The following KIF24 variants were observed in gnomAD, a reference collection of about 807,000 sequenced individuals.
KIF24 encodes the protein kinesin family member 24.
Under a neutral mutation model 118.9 loss-of-function variants are expected in KIF24, and 81 were observed. That is an observed-to-expected ratio of 0.68 (90% CI 0.57 to 0.82). The LOEUF is 0.82. KIF24 is among the 40% of genes least tolerant of loss of function. KIF24 has a pLI of 0.00. For synonymous variants in KIF24, 599 were observed against 610.0 expected (o/e 0.98, Z 0.27); for missense variants, 1,560 against 1,661.6 (o/e 0.94, Z 1.06).
Position 34,318,493 on chromosome 9 carries a change from TG to T in KIF24, c.-25-7123del. The T allele has an allele frequency of 1.2e-6, 1 of 838,022 alleles. No individual in the cohort carries two copies. Among genetic ancestry groups the T allele is most frequent in the Non-Finnish European group, 2.0e-6 (1 of 504,472 alleles). 51.9% of individuals were successfully genotyped at this position (838,022 alleles called of 1,614,324 possible). On this transcript the variant is annotated intron_variant, in intron 1 of 12. Transcript: ENST00000402558. This position sits in a 1 kb window ranked among gnomAD's most constrained non-coding sequence, Gnocchi z 4.9. ...AGAAACCTGCAGCCACAGCAGCTCC[TG>T]GCACCGCAGAGAAGCTGAGCCCCAA...
intron 1 of KIF24, among the ~76,000 whole-genome samples, chr9:34,312,900 T>C (rs952970219): frequency 1.3e-5 from 2 of 152,178 alleles, no homozygotes; most frequent in Admixed American, 1.3e-4. Flanking sequence ...AGTTTCGCCA[T>C]GTTGGCCAGG....
rs1239780390 is a variant in KIF24, at chr9:34,257,301, T to C, written c.2306A>G (p.Gln769Arg). The C allele has an allele frequency of 3.7e-6, 6 of 1,614,068 alleles. No homozygotes were observed. The highest frequency in any genetic ancestry group is 5.1e-6 in the Non-Finnish European group (6 of 1,179,900). Residue 769 changes from glutamine to arginine, a missense_variant, in exon 11 of 13, where the codon CAG becomes CGG. This residue lies in a region of KIF24 where 964 missense variants were observed against 988.0 expected (regional missense o/e 0.98). Coordinates refer to ENST00000402558, the MANE Select transcript of KIF24 (RefSeq NM_194313.4). ...GAGGAGAGGTGGCTGTTGGAACTGC[T>C]GGTGATAGAAACGCAGATGTTCCTC... ...EREEHLRFYH[Q>R]QFQQPPLLQQ...
At chr9:34,271,325 C>CAAAAA (rs58895274) in intron 7 of KIF24, among the ~76,000 whole-genome samples, 22 of 107,228 alleles carry the variant, frequency 2.1e-4, no homozygotes, top group African/African-American at 6.2e-4. Context: ...AGCAATCCAG[C>CAAAAA]AAAAAAAAAA....
intron 8 of KIF24, among the ~76,000 whole-genome samples, chr9:34,267,232 T>C (rs764722315): frequency 6.6e-6 from 1 of 151,972 alleles, no homozygotes; most frequent in Non-Finnish European, 1.5e-5. Context: ...AACGGCTGAA[T>C]GGCATGTCCT....
intron 3 of KIF24, among the ~76,000 whole-genome samples, chr9:34,301,982 T>C: frequency 8.8e-6 from 1 of 113,592 alleles, no homozygotes; most frequent in East Asian, 2.1e-4. Flanking sequence ...TTTTTCTATA[T>C]ATGTATTTTT....
At chr9:34,267,678 A>G (rs1835344845) in intron 8 of KIF24, among the ~76,000 whole-genome samples, 1 of 152,232 alleles carries the variant, frequency 6.6e-6, no homozygotes, top group East Asian at 1.9e-4. Context: ...TATGAAAAAA[A>G]TAAATGAGAT....
chr9:34,328,431 C>G (rs1837748146), intron 1 of KIF24, among the ~76,000 whole-genome samples: 1 of 152,186 alleles, frequency 6.6e-6, no homozygotes. Flanking sequence ...CTAAAAGCCA[C>G]AGATGCAGGA....
rs192343104 is a variant in KIF24 at position 34,318,618 on chromosome 9, T to C, written c.-25-7247A>G. The C allele has an allele frequency of 3.4e-5, 51 of 1,508,158 alleles. 1 individual carries two copies. The Admixed American group carries it at 3.7e-4, about 11-fold the overall frequency. 93.4% of individuals were successfully genotyped at this position (1,508,158 alleles called of 1,614,324 possible). On this transcript the variant is annotated intron_variant, in intron 1 of 12. Transcript: ENST00000402558. The surrounding 1 kb of genome is among the most constrained non-coding windows in gnomAD (Gnocchi z 4.9). ...GTGGAGAACATCCTGGTGTCGCCCG[T>C]GGTGGTGGCCTCGTCGTTGGGGCTC...
At chr9:34,288,526 A>G (rs141844943) in intron 5 of KIF24, among the ~76,000 whole-genome samples, 9 of 152,064 alleles carry the variant, frequency 5.9e-5, no homozygotes, top group African/African-American at 2.2e-4. Flanking sequence ...GTAAAGCATA[A>G]CAGCATAAAC....
rs535057378 is a variant in KIF24 at position 34,259,603 on chromosome 9, C to A, written c.1618G>T (p.Ala540Ser). ...ATCTGGGAGCTGACTTACCGGTCAG[C>A]ATAGCGCAAGGTGTTGAGAGTGTGT... Reference protein sequence around the residue: ...TEHTLNTLRYADRVKELKKGI... With the variant: ...TEHTLNTLRYSDRVKELKKGI... Residue 540 changes from alanine (A) to serine (S), a missense_variant, in exon 10 of 13, where the codon GCT becomes TCT. Ala to Ser is a moderately conservative substitution (Grantham distance 99). This residue lies in a region of KIF24 where 964 missense variants were observed against 988.0 expected (regional missense o/e 0.98). Transcript: ENST00000402558. 3.7e-6 allele frequency: 6 copies of A among 1,613,470 alleles called. No individual in the cohort carries two copies. The South Asian group carries it at 4.4e-5, about 12-fold the overall frequency.
chr9:34,295,949 A>G (rs12376978), intron 4 of KIF24, among the ~76,000 whole-genome samples: 71,852 of 150,940 alleles, frequency 0.48, 19,988 homozygotes, highest in South Asian at 0.64. Flanking sequence ...GCCGGGCGCG[A>G]TGGCTCACAC....
At chr9:34,308,087 C>T (rs1836999816) in intron 2 of KIF24, among the ~76,000 whole-genome samples, 1 of 152,044 alleles carries the variant, frequency 6.6e-6, no homozygotes, top group African/African-American at 2.4e-5. Context: ...CCTCCCACTT[C>T]AGCCAATAGT....
Position 34,318,521 on chromosome 9 carries a change from G to A in KIF24, c.-25-7150C>T, listed in dbSNP as rs1199275601. The A allele has an allele frequency of 1.2e-5, 11 of 940,496 alleles. No homozygotes were observed. The highest frequency in any genetic ancestry group is 1.7e-5 in the Non-Finnish European group (10 of 594,134). The allele number at this position is 940,496 out of a possible 1,614,324, so 58.3% of individuals were successfully genotyped here. On this transcript the variant is annotated intron_variant, in intron 1 of 12. Transcript: ENST00000402558. This position sits in a 1 kb window ranked among gnomAD's most constrained non-coding sequence, Gnocchi z 4.9. ...CACCGCAGAGAAGCTGAGCCCCAAG[G>A]CAGCCACGCTGGCCGAACACAGCGC...
chr9:34,259,499 G>A, intron 10 of KIF24, 97 bp downstream of exon 10: 7 of 847,816 alleles, frequency 8.3e-6, no homozygotes, highest in East Asian at 2.5e-5. Flanking sequence ...GCATGCACTT[G>A]CACACACACA....
intron 6 of KIF24, among the ~76,000 whole-genome samples, chr9:34,276,442 A>AT (rs1281948220): frequency 6.6e-6 from 1 of 151,148 alleles, no homozygotes; most frequent in Non-Finnish European, 1.5e-5. Context: ...GTCCTATTTC[A>AT]TTTTTTCTCA....
At chr9:34,269,627 G>A (rs531138306) in intron 7 of KIF24, among the ~76,000 whole-genome samples, 134 of 152,074 alleles carry the variant, frequency 8.8e-4, no homozygotes, top group African/African-American at 3.0e-3. Flanking sequence ...CACCGTGTTA[G>A]CCAGGATGGT....
intron 1 of KIF24, among the ~76,000 whole-genome samples, chr9:34,314,492 A>G (rs558644232): frequency 2.0e-5 from 3 of 152,178 alleles, no homozygotes; most frequent in South Asian, 4.2e-4. Flanking sequence ...AAATATATAG[A>G]TACCTGAGCC....
intron 4 of KIF24, among the ~76,000 whole-genome samples, chr9:34,295,154 A>C (rs1836415656): frequency 6.6e-6 from 1 of 151,588 alleles, no homozygotes; most frequent in African/African-American, 2.4e-5. Flanking sequence ...TAGATTAGAT[A>C]GGTAGGTAGA....
At position 34,311,061 on chromosome 9, in the gene KIF24, T is replaced by C; in HGVS notation, c.286A>G (p.Arg96Gly). Residue 96 changes from arginine to glycine, a missense_variant, in exon 2 of 13, where the codon AGA becomes GGA. Coordinates refer to ENST00000402558, the MANE Select transcript of KIF24 (RefSeq NM_194313.4). Reference sequence around the variant, plus strand: ...GCAGGAGAATCAAAATTCAGCTGTCTGCGAGGGCCAGATCTTAATTCCTGA... The same window carrying C: ...GCAGGAGAATCAAAATTCAGCTGTCCGCGAGGGCCAGATCTTAATTCCTGA... ...KSQELRSGPR[R>G]QLNFDSPADN... The C allele has an allele frequency of 6.2e-7, 1 of 1,613,954 alleles. No homozygotes were observed.
Sources: allele counts gnomAD v4.1 joint callset (sites outside exome capture counted in the v4.1 genomes callset), GRCh38; gene constraint gnomAD v4.1.1; regional missense constraint gnomAD v4.1.1; non-coding constraint Gnocchi (gnomAD v3.1); transcripts MANE v1.5; gene names NCBI Gene and HGNC (gene_info 2026-07-23, HGNC 2026-07-21).